Variants in FMN2 observed in about 807,000 individuals in gnomAD.
FMN2 encodes formin-2.
A neutral mutation model predicts 142.3 loss-of-function variants in FMN2; 51 were observed. The observed-to-expected ratio is 0.36, with a 90% CI of 0.29 to 0.45. FMN2 has a LOEUF of 0.45. FMN2 is among the 20% of genes least tolerant of loss of function. The pLI, the probability that FMN2 is intolerant of heterozygous loss-of-function variation, is 1.00. For synonymous variants in FMN2, 882 were observed against 869.8 expected, an observed-to-expected ratio of 1.01 and a Z score of -0.25; for missense variants, 1,936 against 2,122.8, an observed-to-expected ratio of 0.91 and a Z score of 1.73.
Position 240,228,763 on chromosome 1 carries a change from T to A in FMN2, c.4065+17528T>A, listed in dbSNP as rs142421625. Among the ~76,000 whole-genome samples, 8 of 151,226 alleles carry A rather than the reference T, an allele frequency of 5.3e-5. No individual in the cohort carries two copies. The East Asian group carries it at 9.7e-4, about 18-fold the overall frequency. ...ATAATTTTCTGGATAAATAATATATTTTTCAACCTCAAAAAACCTTAAGAT... is the reference window on the plus strand; with the variant it reads ...ATAATTTTCTGGATAAATAATATATATTTCAACCTCAAAAAACCTTAAGAT... On this transcript the variant is annotated intron_variant, in intron 6 of 17. Coordinates refer to ENST00000319653, the MANE Select transcript of FMN2 (RefSeq NM_020066.5).
At chr1:240,449,653 A>G (rs947960132) in intron 16 of FMN2, among the ~76,000 whole-genome samples, 5 of 152,330 alleles carry the variant, frequency 3.3e-5, no homozygotes, top group Non-Finnish European at 7.4e-5. Context: ...AATTAGGATC[A>G]TGTAGCTTGG....
At chr1:240,302,668 T>G (rs1464378536) in intron 8 of FMN2, among the ~76,000 whole-genome samples, 1 of 152,054 alleles carries the variant, frequency 6.6e-6, no homozygotes. Context: ...CTAATATAAT[T>G]AGTCCAGTAA....
chr1:240,156,842 C>T (rs902776162), intron 2 of FMN2, among the ~76,000 whole-genome samples: 2 of 152,030 alleles, frequency 1.3e-5, no homozygotes. Context: ...TTAATAGATG[C>T]AATTCATTAA....
chr1:240,116,861 G>A (rs1388459888), intron 1 of FMN2, among the ~76,000 whole-genome samples: 2 of 152,182 alleles, frequency 1.3e-5, no homozygotes, highest in African/African-American at 4.8e-5. Flanking sequence ...AGCAAGGAGG[G>A]AGAGGTAGCA....
intron 1 of FMN2, among the ~76,000 whole-genome samples, chr1:240,108,260 C>G (rs1325649990): frequency 6.6e-6 from 1 of 152,076 alleles, no homozygotes; most frequent in Non-Finnish European, 1.5e-5. Flanking sequence ...CGTTTGTTTT[C>G]TTTCTTTGAG....
intron 16 of FMN2, among the ~76,000 whole-genome samples, chr1:240,467,215 A>G (rs1411529496): frequency 6.6e-6 from 1 of 151,988 alleles, no homozygotes; most frequent in Non-Finnish European, 1.5e-5. Context: ...GTATTACAGC[A>G]CATTACAACA....
chr1:240,133,578 C>T lies in FMN2; in HGVS notation c.1782+10233C>T, dbSNP rs530046915. Among the ~76,000 whole-genome samples, 11 of 152,332 alleles carry T rather than the reference C, an allele frequency of 7.2e-5. No individual in the cohort carries two copies. In the South Asian group the frequency reaches 2.3e-3, roughly 32 times the overall value. ...TCCCACTTCTACCTCTCCTGACCCA[C>T]TTTCCTTTCCAAACTCTTTTGCCAC... On this transcript the variant is annotated intron_variant, in intron 2 of 17. Coordinates refer to ENST00000319653, the MANE Select transcript of FMN2 (RefSeq NM_020066.5).
At chr1:240,170,028 C>G in intron 2 of FMN2, 1 of 561,378 alleles carries the variant, frequency 1.8e-6, no homozygotes. Flanking sequence ...CAGATTAATT[C>G]CCACACAGAT....
chr1:240,336,611 A>T (rs1301812846), intron 13 of FMN2, among the ~76,000 whole-genome samples: 1 of 146,486 alleles, frequency 6.8e-6, no homozygotes, highest in Admixed American at 6.9e-5. Flanking sequence ...CCCATTTATT[A>T]CAGAGAACTT....
chr1:240,235,761 C>G (rs1667689351), intron 6 of FMN2: 1 of 152,010 alleles, frequency 6.6e-6, no homozygotes, highest in East Asian at 1.9e-4. Context: ...CAGTGAAGGG[C>G]ATAAACCTCA....
rs1664378760 is a variant in FMN2 at position 240,163,885 on chromosome 1, A to T, written c.1783-14036A>T. Reference sequence around the variant, plus strand: ...TTTTATTATTATTATTTTTATTTTTATTATTAAGACAAGGTCTCCCTCTGT... The same window carrying T: ...TTTTATTATTATTATTTTTATTTTTTTTATTAAGACAAGGTCTCCCTCTGT... On this transcript the variant is annotated intron_variant, in intron 2 of 17. Coordinates refer to ENST00000319653, the MANE Select transcript of FMN2 (RefSeq NM_020066.5). Among the ~76,000 whole-genome samples the T allele has an allele frequency of 2.0e-5, 3 of 151,528 alleles. No individual in the cohort carries two copies. In the South Asian group the frequency reaches 6.3e-4, roughly 32 times the overall value.
intron 2 of FMN2, among the ~76,000 whole-genome samples, chr1:240,158,071 T>C (rs1017972175): frequency 6.6e-6 from 1 of 151,974 alleles, no homozygotes; most frequent in African/African-American, 2.4e-5. Context: ...TTAAAATTAA[T>C]TTTTTAAATT....
chr1:240,194,913 A>G (rs781177354), intron 4 of FMN2, among the ~76,000 whole-genome samples: 2 of 151,474 alleles, frequency 1.3e-5, no homozygotes, highest in Non-Finnish European at 2.9e-5. Flanking sequence ...TTTCTCATCT[A>G]TAAAATGGGT....
At chr1:240,171,149 G>C in intron 2 of FMN2, 1 of 1,059,468 alleles carries the variant, frequency 9.4e-7, no homozygotes, top group Non-Finnish European at 1.5e-6. Context: ...AGTGTAGAAA[G>C]TGTCCCAAAG....
chr1:240,461,398 T>A (rs1676447218), intron 16 of FMN2, among the ~76,000 whole-genome samples: 1 of 152,198 alleles, frequency 6.6e-6, no homozygotes, highest in African/African-American at 2.4e-5. Context: ...TGGCACATTA[T>A]AAGGTCTTGG....
At chr1:240,407,105 A>G (rs1277708066) in intron 15 of FMN2, among the ~76,000 whole-genome samples, 4 of 151,310 alleles carry the variant, frequency 2.6e-5, no homozygotes, top group African/African-American at 7.3e-5. Flanking sequence ...TGATGTAGGT[A>G]TGGGTTTGGA....
chr1:240,195,162 A>G (rs1003011878), intron 4 of FMN2, among the ~76,000 whole-genome samples: 1 of 152,200 alleles, frequency 6.6e-6, no homozygotes, highest in African/African-American at 2.4e-5. Flanking sequence ...GAGCCCCCAA[A>G]TCATATTCAT....
At chr1:240,277,496 T>A (rs1669255531) in intron 7 of FMN2, among the ~76,000 whole-genome samples, 1 of 150,026 alleles carries the variant, frequency 6.7e-6, no homozygotes, top group Admixed American at 6.6e-5. Context: ...GATTATGCCT[T>A]ACCCAACTTT....
At chr1:240,311,543 T>TA (rs556475530) in intron 8 of FMN2, among the ~76,000 whole-genome samples, 8 of 151,168 alleles carry the variant, frequency 5.3e-5, no homozygotes, top group African/African-American at 1.2e-4. Context: ...ATTTCAGAAT[T>TA]AAAAAAAAAG....
Sources: gnomAD v4.1 joint callset for allele counts (sites outside exome capture counted in the v4.1 genomes callset) on GRCh38, gnomAD v4.1.1 for gene constraint, MANE v1.5 for transcripts, NCBI Gene and HGNC (gene_info 2026-07-23, HGNC 2026-07-21) for gene names.